Variants in SFTPB observed in about 807,000 individuals in gnomAD.
SFTPB encodes the protein pulmonary surfactant-associated protein B.
In SFTPB, 32 loss-of-function variants were observed where a neutral mutation model predicts 51.0. That is an observed-to-expected ratio of 0.63 (90% confidence interval 0.47 to 0.84). The LOEUF (loss-of-function observed/expected upper bound fraction) is 0.84, where lower values mean the gene tolerates loss of function less well. Among genes scored for constraint, SFTPB ranks in the 40% least tolerant of loss-of-function variants. The pLI is 0.00. For synonymous variants in SFTPB, 211 were observed against 208.5 expected (o/e 1.01, Z -0.10); for missense variants, 431 against 491.2 (o/e 0.88, Z 1.16).
rs1270553539 is a variant in SFTPB at position 85,667,794 on chromosome 2, G to T, written c.80C>A (p.Thr27Asn). Residue 27 changes from threonine to asparagine, a missense_variant, in exon 2 of 11, where the codon ACC becomes AAC. Coordinates refer to ENST00000519937, the MANE Select transcript of SFTPB (RefSeq NM_000542.5). ...LCGPGTAAWT[T>N]SSLACAQGPE... is the part of the protein sequence containing the mutation. ...GCCCTGGGCACAGGCCAAGGATGAG[G>T]TGGTCCAGGCAGCTGTGGTTTGGGG... is the stretch of plus-strand genomic sequence containing the variant. The T allele has an allele frequency of 1.2e-6, 2 of 1,614,162 alleles. No individual in the cohort carries two copies. Among genetic ancestry groups the T allele is most frequent in the African/African-American group, 2.7e-5 (2 of 74,948 alleles).
intron 6 of SFTPB, 22 bp from the exon 7 acceptor site, chr2:85,663,869 G>T (rs535910285): frequency 1.3e-6 from 2 of 1,563,858 alleles, no homozygotes; most frequent in East Asian, 4.7e-5. Context: ...GCGGAGAGAG[G>T]CCAGCATGGG....
chr2:85,667,554 C>T, intron 2 of SFTPB, 125 bp downstream of exon 2: 1 of 1,226,082 alleles, frequency 8.2e-7, no homozygotes, highest in Non-Finnish European at 1.2e-6. Flanking sequence ...TATCTCATTT[C>T]ATCTCATCCC....
At chr2:85,661,647 A>G (rs45602841) in intron 9 of SFTPB, 112 bp from the exon 10 acceptor site, 5 of 884,342 alleles carry the variant, frequency 5.7e-6, no homozygotes, top group Non-Finnish European at 9.0e-6. Context: ...GGGTGCTACC[A>G]GTGTGACTCT....
chr2:85,665,444 C>A (rs1278065354), intron 5 of SFTPB, 66 bp from the exon 6 acceptor site: 2 of 1,453,280 alleles, frequency 1.4e-6, no homozygotes, highest in Admixed American at 1.7e-5. Context: ...GCTCTCCTCC[C>A]CTCTCTCTTC....
At chr2:85,668,255 T>G (rs965203006), upstream of SFTPB, 2 of 1,418,264 alleles carry the variant, frequency 1.4e-6, no homozygotes, top group Non-Finnish European at 1.9e-6. Context: ...GGGGGCTCTG[T>G]AGGAGTGGCA....
Position 85,663,835 on chromosome 2 carries a change from C to A in SFTPB, c.685G>T (p.Val229Leu). The change falls in exon 7 of 11, where the codon GTG (valine) becomes TTG (leucine). Residue 229 changes from valine to leucine, a missense_variant. By Grantham distance (32) the Val-to-Leu change is conservative. Coordinates refer to ENST00000519937, the MANE Select transcript of SFTPB (RefSeq NM_000542.5). ...QAMIPKGALA[V>L]AVAQVCRVVP... ...ACGCGGCACACCTGGGCCACTGCCA[C>A]AGCTAGCGCACCCTGGGGCGGGGGC... The A allele has an allele frequency of 6.3e-7, 1 of 1,587,900 alleles. No individual in the cohort carries two copies. Among genetic ancestry groups the A allele is most frequent in the South Asian group, 1.1e-5 (1 of 88,080 alleles).
Position 85,663,644 on chromosome 2 carries a change from G to T in SFTPB, c.856+20C>A. The T allele has an allele frequency of 6.2e-7, 1 of 1,606,188 alleles. No homozygotes were observed. The highest frequency in any genetic ancestry group is 2.2e-5 in the East Asian group (1 of 44,534). ...AGGAGGAGAGCAGGCATTGGGCTAA[G>T]GAGTGGGCAGTGGGCTCACTTGGGC... On this transcript the variant is annotated intron_variant, in intron 7 of 10. Transcript: ENST00000519937.
chr2:85,667,100 C>T lies in SFTPB; in HGVS notation c.267+6G>A. ...CAACCTTCATCCAGGATCTGGGCATCATTACCTGGAAAATGGCCTCCTTGG... is the reference window on the plus strand; with the variant it reads ...CAACCTTCATCCAGGATCTGGGCATTATTACCTGGAAAATGGCCTCCTTGG... On this transcript the variant is annotated splice_donor_region_variant and intron_variant, in intron 3 of 10. Transcript: ENST00000519937. 6.2e-7 allele frequency: 1 copy of T among 1,607,926 alleles called. No homozygotes were observed. Among genetic ancestry groups the T allele is most frequent in the Non-Finnish European group, 8.5e-7 (1 of 1,174,358 alleles).
At chr2:85,667,001 C>A in intron 3 of SFTPB, 105 bp downstream of exon 3, 1 of 1,117,694 alleles carries the variant, frequency 8.9e-7, no homozygotes, top group Non-Finnish European at 1.3e-6. Context: ...GCACCCAGGC[C>A]TCCTCCTCAG....
At chr2:85,660,786 T>TAAC (rs2104391559) in intron 10 of SFTPB, among the ~76,000 whole-genome samples, 1 of 152,268 alleles carries the variant, frequency 6.6e-6, no homozygotes, top group South Asian at 2.1e-4. Context: ...AACAAATGAA[T>TAAC]AAATGACCAC....
intron 10 of SFTPB, among the ~76,000 whole-genome samples, chr2:85,660,502 T>G (rs898339637): frequency 1.2e-4 from 17 of 136,516 alleles, no homozygotes; most frequent in Non-Finnish European, 1.8e-4. Flanking sequence ...TAGGCTAGAG[T>G]GCAGTGGCAC....
chr2:85,665,855 G>GGGTGCTGTGTGTTTGTGT, intron 4 of SFTPB, 61 bp from the exon 5 acceptor site: 1 of 1,537,108 alleles, frequency 6.5e-7, no homozygotes, highest in Non-Finnish European at 9.0e-7. Flanking sequence ...CCCTATTCAG[G>GGGTGCTGTGTGTTTGTGT]CCGGCCCAAG....
At chr2:85,666,414 G>T (rs1677619172) in intron 4 of SFTPB, 1 of 523,394 alleles carries the variant, frequency 1.9e-6, no homozygotes, top group Non-Finnish European at 3.4e-6. Flanking sequence ...TGTCCGGCCA[G>T]CTGGGGTGTT....
intron 6 of SFTPB, 102 bp from the exon 7 acceptor site, chr2:85,663,949 CT>C: frequency 8.8e-7 from 1 of 1,134,836 alleles, no homozygotes; most frequent in Non-Finnish European, 1.3e-6. Flanking sequence ...TTCCCTCATT[CT>C]CTTCTAGAAG....
chr2:85,665,690 G>A lies in SFTPB; in HGVS notation c.498C>T (p.Asp166=). The A allele has an allele frequency of 6.2e-7, 1 of 1,614,230 alleles. No individual in the cohort carries two copies. The highest frequency in any genetic ancestry group is 8.5e-7 in the Non-Finnish European group (1 of 1,180,040). Residue 166 remains aspartate (D), a synonymous_variant, in exon 5 of 11, where the codon GAC becomes GAT. Transcript: ENST00000519937. The part of the protein sequence containing the change: ...MSDPLPKPLR[D]PLPDPLLDKL... Reference sequence around the variant, plus strand: ...TGTCCAGCAGAGGGTCTGGCAGAGGGTCCCGCAGAGGTTTGGGCAGGGGGT... The same window carrying A: ...TGTCCAGCAGAGGGTCTGGCAGAGGATCCCGCAGAGGTTTGGGCAGGGGGT...
At chr2:85,662,312 C>T (rs767394132) in intron 8 of SFTPB, 86 of 1,428,190 alleles carry the variant, frequency 6.0e-5, no homozygotes, top group Middle Eastern at 2.3e-4. Flanking sequence ...GAAAAGCAGG[C>T]GACACTGGAG....
upstream of SFTPB, chr2:85,668,537 T>G: frequency 2.8e-6 from 1 of 351,038 alleles, no homozygotes; most frequent in Non-Finnish European, 5.3e-6. Context: ...AGCCTGGGTG[T>G]TCCCCTCCCA....
rs2104384724 is a variant in SFTPB at position 85,657,821 on chromosome 2, G to A, written c.*1881C>T. 6.6e-6 allele frequency: 1 copy of A among 152,264 alleles called. No individual in the cohort carries two copies. The highest frequency in any genetic ancestry group is 2.1e-4 in the South Asian group (1 of 4,820). The allele number at this position is 152,264 out of a possible 1,614,324, so 9.4% of individuals were successfully genotyped here. A position where few individuals can be genotyped will look rare whatever the true frequency, so the allele number is the denominator to read the frequency against. ...AGTTAGGAGCAATTTTTTGTGGGCAGGGGGTGGATCTTACAAAGCACATTC... is the reference window on the plus strand; with the variant it reads ...AGTTAGGAGCAATTTTTTGTGGGCAAGGGGTGGATCTTACAAAGCACATTC... On this transcript the variant is annotated 3_prime_UTR_variant, in exon 11 of 11. Transcript: ENST00000519937.
intron 5 of SFTPB, 80 bp downstream of exon 5, chr2:85,665,526 A>G: frequency 3.3e-6 from 5 of 1,530,678 alleles, no homozygotes; most frequent in Non-Finnish European, 4.5e-6. Context: ...TGCCTCTCCC[A>G]GGGCCCAGTG....
Sources: allele counts gnomAD v4.1 joint callset (sites outside exome capture counted in the v4.1 genomes callset), GRCh38; gene constraint gnomAD v4.1.1; transcripts MANE v1.5; gene names NCBI Gene and HGNC (gene_info 2026-07-23, HGNC 2026-07-21).